The following DCTN1 variants were observed in gnomAD, a reference collection of about 807,000 sequenced individuals.
DCTN1 encodes the protein 150 kDa dynein-associated polypeptide.
DCTN1 carries 61 observed loss-of-function variants against 161.2 expected under a neutral mutation model. The ratio of observed to expected loss-of-function variants is 0.38; its 90% CI spans 0.31 to 0.47. DCTN1 has a LOEUF of 0.47. Among genes scored for constraint, DCTN1 ranks in the 20% least tolerant of loss-of-function variants. The pLI, the probability that DCTN1 is intolerant of heterozygous loss-of-function variation, is 0.99. For missense variants in DCTN1, 1,404 were observed against 1,623.7 expected (o/e 0.86, Z 2.33); for synonymous variants, 653 against 632.4 (o/e 1.03, Z -0.49).
In DCTN1 at chr2:74,370,001, C is replaced by G; in HGVS notation, c.1356G>C (p.Glu452Asp). ...CAGTCTCCCTCAACTCGCGCACTTTCTCTTCCAGATTCAGGTTCCGATCTG... is the reference window on the plus strand; with the variant it reads ...CAGTCTCCCTCAACTCGCGCACTTTGTCTTCCAGATTCAGGTTCCGATCTG... ...MLTDRNLNLE[E>D]KVRELRETVG... Residue 452 changes from glutamate to aspartate, a missense_variant, in exon 13 of 32, where the codon GAG becomes GAC. This residue lies in a region of DCTN1 where 278 missense variants were observed against 363.8 expected (regional missense o/e 0.76). Transcript: ENST00000628224. This position sits in a 1 kb window ranked among gnomAD's most constrained non-coding sequence, Gnocchi z 4.4. 1.9e-6 allele frequency: 3 copies of G among 1,614,204 alleles called. No individual in the cohort carries two copies. Among genetic ancestry groups the G allele is most frequent in the Non-Finnish European group, 2.5e-6 (3 of 1,180,040 alleles).
At chr2:74,364,807 A>G in intron 26 of DCTN1, 3 of 508,310 alleles carry the variant, frequency 5.9e-6, no homozygotes, top group Non-Finnish European at 7.2e-6. Flanking sequence ...ACAGAGCCAG[A>G]AAGGACATCT....
chr2:74,373,092 T>G, intron 6 of DCTN1, 144 bp from the exon 7 acceptor site: 2 of 727,376 alleles, frequency 2.7e-6, no homozygotes, highest in Admixed American at 2.0e-5. Context: ...CCCCATCCCA[T>G]CCCCTTCTCC....
intron 27 of DCTN1, 91 bp from the exon 28 acceptor site, chr2:74,363,518 C>T (rs576341746): frequency 6.3e-7 from 1 of 1,596,934 alleles, no homozygotes; most frequent in African/African-American, 1.3e-5. Flanking sequence ...CTCATCCCCC[C>T]ATCACCCATC....
At chr2:74,387,939 C>T (rs1237489633) in intron 1 of DCTN1, among the ~76,000 whole-genome samples, 1 of 152,186 alleles carries the variant, frequency 6.6e-6, no homozygotes, top group East Asian at 1.9e-4. Context: ...AATCCTAGCA[C>T]TCTGAGAGCC....
At chr2:74,391,177 CT>C (rs1487121582) in intron 1 of DCTN1, 1 of 154,218 alleles carries the variant, frequency 6.5e-6, no homozygotes, top group Non-Finnish European at 1.4e-5. Flanking sequence ...CTCTCGGTAC[CT>C]TAAGTATACC....
rs538407155 is a variant in DCTN1 at position 74,367,594 on chromosome 2, G to C, written c.2184+102C>G. 5 of 1,571,998 alleles carry C rather than the reference G, an allele frequency of 3.2e-6. No homozygotes were observed. In the East Asian group the frequency reaches 1.1e-4, roughly 35 times the overall value. On this transcript the variant is annotated intron_variant, in intron 18 of 31. Transcript: ENST00000628224. ...CATCTAAGAGCAAACCAGGCCTCAAGCAGCAAGCATGGGACATACAACCTT... is the reference window on the plus strand; with the variant it reads ...CATCTAAGAGCAAACCAGGCCTCAACCAGCAAGCATGGGACATACAACCTT...
At chr2:74,367,216 C>A in intron 19 of DCTN1, 109 bp from the exon 20 acceptor site, 4 of 1,524,740 alleles carry the variant, frequency 2.6e-6, no homozygotes, top group African/African-American at 1.4e-5. Flanking sequence ...ATAAGTAGGT[C>A]CTCTAGTTTC....
Position 74,371,106 on chromosome 2 carries a change from G to A in DCTN1, c.716C>T (p.Ala239Val), listed in dbSNP as rs1674807252. 3 of 1,613,990 alleles carry A rather than the reference G, an allele frequency of 1.9e-6. No homozygotes were observed. The highest frequency in any genetic ancestry group is 1.3e-5 in the African/African-American group (1 of 74,892). Residue 239 changes from alanine (A) to valine (V), a missense_variant, in exon 9 of 32, where the codon GCA (alanine) becomes GTA (valine). Transcript: ENST00000628224. ...EKLETLRLKR[A>V]EDKAKLKELE... The stretch of plus-strand genomic sequence containing the variant: ...CTCTTTTAGCTTTGCTTTGTCTTCT[G>A]CCCGTTTCAGTCTCAGGGTCTCTAG...
chr2:74,377,285 C>A lies in DCTN1; in HGVS notation c.393+147G>T, dbSNP rs574935850. 5.3e-6 allele frequency: 4 copies of A among 756,398 alleles called. No individual in the cohort carries two copies. The East Asian group carries it at 7.4e-5, about 14-fold the overall frequency. 46.9% of individuals were successfully genotyped at this position (756,398 alleles called of 1,614,324 possible). A position where few individuals can be genotyped will look rare whatever the true frequency, so the allele number is the denominator to read the frequency against. The stretch of plus-strand genomic sequence containing the variant: ...TAACTCTAACACAGCAATTAATCCC[C>A]AGAAAGCCTCCTTCTTAGGGAAGTT... On this transcript the variant is annotated intron_variant, in intron 4 of 31. Transcript: ENST00000628224.
chr2:74,373,371 A>T (rs1675010503), intron 6 of DCTN1: 2 of 305,872 alleles, frequency 6.5e-6, no homozygotes, highest in African/African-American at 4.3e-5. Flanking sequence ...TTCCCAGGTC[A>T]GCCTCTTCCT....
Position 74,363,063 on chromosome 2 carries a change from G to A in DCTN1, c.3460C>T (p.Gln1154Ter). The A allele has an allele frequency of 6.2e-7, 1 of 1,614,004 alleles. No homozygotes were observed. The highest frequency in any genetic ancestry group is 8.5e-7 in the Non-Finnish European group (1 of 1,179,958). ...AATTGATTCAATGTCTCCAGCAGCT[G>A]GCTGGTCTTACGATACAGCGCTCCA... ...PAGALYRKTS[Q>*]LLETLNQLST... The change falls in exon 29 of 32, where the codon CAG becomes TAG. Residue 1154 changes from glutamine to a stop codon, truncating the protein, a stop_gained. Coordinates refer to ENST00000628224, the MANE Select transcript of DCTN1 (RefSeq NM_004082.5). LOFTEE classifies it high-confidence loss of function.
At chr2:74,382,937 C>T (rs1191100889), upstream of DCTN1, among the ~76,000 whole-genome samples, 9 of 151,424 alleles carry the variant, frequency 5.9e-5, no homozygotes, top group East Asian at 3.9e-4. Flanking sequence ...TAGCCGGGCG[C>T]GGTGGCGGGC....
chr2:74,369,323 G>A lies in DCTN1; in HGVS notation c.1561C>T (p.Arg521Cys), dbSNP rs756634587. 16 of 1,614,080 alleles carry A rather than the reference G, an allele frequency of 9.9e-6. No homozygotes were observed. The highest frequency in any genetic ancestry group is 3.3e-5 in the Admixed American group (2 of 60,010). Residue 521 changes from arginine to cysteine, a missense_variant, in exon 14 of 32, where the codon CGC becomes TGC. Physicochemically the swap from Arg to Cys is radical, Grantham distance 180. Around this residue, in one of 9 missense-constraint regions of DCTN1, gnomAD observed 278 missense variants for 363.8 expected, o/e 0.76. Coordinates refer to ENST00000628224, the MANE Select transcript of DCTN1 (RefSeq NM_004082.5). This position sits in a 1 kb window ranked among gnomAD's most constrained non-coding sequence, Gnocchi z 4.9. ...ACCTGTAGATGGGCGGTCAGCTGGC[G>A]GTACTTCTTGATGGTCTGCTGGTAG... The part of the protein sequence containing the change: ...ADYQQTIKKY[R>C]QLTAHLQDVN...
chr2:74,373,282 A>G (rs1347701171), intron 6 of DCTN1: 1 of 409,290 alleles, frequency 2.4e-6, no homozygotes, highest in African/African-American at 2.0e-5. Context: ...AGGTCCCATG[A>G]GACCAGTCCT....
chr2:74,385,129 C>T (rs560397828), upstream of DCTN1: 1 of 152,322 alleles, frequency 6.6e-6, no homozygotes, highest in South Asian at 2.1e-4. Context: ...CCTCATTACC[C>T]TAAAAAAACG....
At chr2:74,363,988 G>A (rs759555330) in intron 26 of DCTN1, 9 of 378,350 alleles carry the variant, frequency 2.4e-5, no homozygotes, top group South Asian at 1.3e-4. Flanking sequence ...ACCCCAATAT[G>A]TCTGCACCCT....
chr2:74,388,112 A>T (rs1675825004), intron 1 of DCTN1, among the ~76,000 whole-genome samples: 1 of 152,174 alleles, frequency 6.6e-6, no homozygotes, highest in Admixed American at 6.5e-5. Flanking sequence ...TGTAGTAGCT[A>T]TAGTCCCAAC....
In DCTN1 at chr2:74,367,942, C is replaced by A. The variant is rs375965921; in HGVS notation, c.2015+29G>T. 22 of 1,614,246 alleles carry A rather than the reference C, an allele frequency of 1.4e-5. No homozygotes were observed. The African/African-American group carries it at 2.4e-4, about 18-fold the overall frequency. Reference sequence around the variant, plus strand: ...TTCTGGCCAATCCTGGACCCCCACCCTGGGGTGAGGGAGTCAGGAGTCACT... The same window carrying A: ...TTCTGGCCAATCCTGGACCCCCACCATGGGGTGAGGGAGTCAGGAGTCACT... On this transcript the variant is annotated intron_variant, in intron 17 of 31. Transcript: ENST00000628224.
At chr2:74,371,230 A>G in intron 8 of DCTN1, 54 bp from the exon 9 acceptor site, 1 of 1,608,776 alleles carries the variant, frequency 6.2e-7, no homozygotes, top group Non-Finnish European at 8.5e-7. Context: ...CTCTCCACCA[A>G]CACTGAGCTG....
Sources: gnomAD v4.1 joint callset for allele counts (sites outside exome capture counted in the v4.1 genomes callset) on GRCh38, gnomAD v4.1.1 for gene constraint, gnomAD v4.1.1 regional missense constraint, Gnocchi (gnomAD v3.1) non-coding constraint, MANE v1.5 for transcripts, NCBI Gene and HGNC (gene_info 2026-07-23, HGNC 2026-07-21) for gene names.